ADAMTS20: variants seen among roughly 807,000 people sequenced by gnomAD.
ADAMTS20 encodes A disintegrin and metalloproteinase with thrombospondin motifs 20.
Under a neutral mutation model 260.1 loss-of-function variants are expected in ADAMTS20, and 225 were observed. That is an observed-to-expected ratio of 0.87 (90% CI 0.78 to 0.97). ADAMTS20 has a LOEUF of 0.97. Ranked by LOEUF, ADAMTS20 falls within the 50% of genes least tolerant of loss-of-function variation. The probability of loss-of-function intolerance (pLI) is 0.00; values close to 1 mark genes in which losing one functional copy is unlikely to be tolerated. For synonymous variants in ADAMTS20, 802 were observed against 769.5 expected (o/e 1.04, Z -0.70); for missense variants, 2,400 against 2,337.7 (o/e 1.03, Z -0.55).
Position 43,356,606 on chromosome 12 carries a change from C to A in ADAMTS20, c.5539-18G>T. ...AACTGTCCCTGGATTGTAAATAAAA[C>A]AAAGAAAAATAGATGGAATTTACAA... On this transcript the variant is annotated intron_variant, in intron 37 of 38. Coordinates refer to ENST00000389420, the MANE Select transcript of ADAMTS20 (RefSeq NM_025003.5). The A allele has an allele frequency of 1.3e-6, 2 of 1,556,002 alleles. No homozygotes were observed. Among genetic ancestry groups the A allele is most frequent in the South Asian group, 1.2e-5 (1 of 85,596 alleles).
intron 28 of ADAMTS20, among the ~76,000 whole-genome samples, chr12:43,403,577 C>T (rs1940854695): frequency 6.6e-6 from 1 of 151,758 alleles, no homozygotes; most frequent in African/African-American, 2.4e-5. Context: ...AGCTGGGTAA[C>T]TATAAAATAC....
rs143824237 is a variant in ADAMTS20, at chr12:43,453,938, C to T, written c.1729G>A (p.Glu577Lys). The change falls in exon 12 of 39, where the codon GAA becomes AAA. Residue 577 changes from glutamate to lysine, a missense_variant. By Grantham distance (56) the Glu-to-Lys change is moderately conservative (BLOSUM62 1). Transcript: ENST00000389420. ...CGATTACAGCGCCTGGTTGCACTTT[C>T]GATTCCGCCTCCACATGTTCTTGAA... The part of the protein sequence containing the change: ...SCSRTCGGGI[E>K]SATRRCNRPE... 8.7e-6 allele frequency: 14 copies of T among 1,609,998 alleles called. 1 individual carries two copies. Among genetic ancestry groups the T allele is most frequent in the South Asian group, 5.5e-5 (5 of 90,442 alleles).
chr12:43,435,735 A>C (rs186516298), intron 18 of ADAMTS20, among the ~76,000 whole-genome samples: 307 of 151,842 alleles, frequency 2.0e-3, no homozygotes, highest in African/African-American at 7.0e-3. Flanking sequence ...AAGTTGGAGT[A>C]GACCCATAGC....
rs1339187112 is a variant in ADAMTS20 at position 43,443,872 on chromosome 12, C to T, written c.2209G>A (p.Val737Ile). 6.2e-7 allele frequency: 1 copy of T among 1,612,868 alleles called. No individual in the cohort carries two copies. The highest frequency in any genetic ancestry group is 1.1e-5 in the South Asian group (1 of 90,978). ...GTTGCTCCTGCGGGAATCTTTACAA[C>T]AACATTATAACCTGCAATATAATTT... is the stretch of plus-strand genomic sequence containing the variant. The part of the protein sequence containing the change: ...FNSSHYGYNV[V>I]VKIPAGATNV... Residue 737 changes from valine (V) to isoleucine (I), a missense_variant, in exon 16 of 39, where the codon GTT becomes ATT. Coordinates refer to ENST00000389420, the MANE Select transcript of ADAMTS20 (RefSeq NM_025003.5).
At chr12:43,503,234 T>C (rs1942793389) in intron 3 of ADAMTS20, among the ~76,000 whole-genome samples, 1 of 152,146 alleles carries the variant, frequency 6.6e-6, no homozygotes, top group Non-Finnish European at 1.5e-5. Context: ...TCTTCCTTTT[T>C]TCTTGGCTAA....
At chr12:43,477,617 A>G (rs1942378701) in intron 7 of ADAMTS20, among the ~76,000 whole-genome samples, 1 of 152,172 alleles carries the variant, frequency 6.6e-6, no homozygotes, top group Non-Finnish European at 1.5e-5. Context: ...GTGATTTAGC[A>G]CACATATGCA....
chr12:43,541,573 T>C (rs572866564), intron 2 of ADAMTS20, among the ~76,000 whole-genome samples: 2 of 152,310 alleles, frequency 1.3e-5, no homozygotes, highest in East Asian at 3.9e-4. Flanking sequence ...GATTAATTTT[T>C]ATTTGGGGAT....
At chr12:43,545,089 T>C (rs1339095943) in intron 2 of ADAMTS20, among the ~76,000 whole-genome samples, 1 of 152,174 alleles carries the variant, frequency 6.6e-6, no homozygotes, top group Non-Finnish European at 1.5e-5. Flanking sequence ...TGATCTGCAG[T>C]AGCATACGGT....
intron 29 of ADAMTS20, among the ~76,000 whole-genome samples, chr12:43,390,441 T>G (rs1270590534): frequency 6.6e-6 from 1 of 152,234 alleles, no homozygotes; most frequent in Non-Finnish European, 1.5e-5. Context: ...TCTGCTTTCT[T>G]TTTTATTAAC....
At chr12:43,503,127 A>G (rs1157206923) in intron 3 of ADAMTS20, among the ~76,000 whole-genome samples, 1 of 105,884 alleles carries the variant, frequency 9.4e-6, no homozygotes, top group Non-Finnish European at 1.8e-5. Context: ...TTTAAATCTT[A>G]ATTAATTGCC....
chr12:43,418,421 T>C (rs1443462902), intron 28 of ADAMTS20, among the ~76,000 whole-genome samples: 1 of 152,158 alleles, frequency 6.6e-6, no homozygotes, highest in Non-Finnish European at 1.5e-5. Context: ...GCGATTCTCC[T>C]GCCTCAGCCT....
rs558011240 is a variant in ADAMTS20, at chr12:43,452,833, T to A, written c.1761-138A>T. On this transcript the variant is annotated intron_variant, in intron 12 of 38. Transcript: ENST00000389420. Reference sequence around the variant, plus strand: ...CACTTTTTAACAGAAGTATGTAACATGAGTTTTACGCAATTCTATGCATAA... The same window carrying A: ...CACTTTTTAACAGAAGTATGTAACAAGAGTTTTACGCAATTCTATGCATAA... 2.0e-4 allele frequency: 155 copies of A among 763,126 alleles called. 3 individuals are homozygous for A. In the South Asian group the frequency reaches 2.7e-3, roughly 13 times the overall value. 47.3% of individuals were successfully genotyped at this position (763,126 alleles called of 1,614,324 possible). A position where few individuals can be genotyped will look rare whatever the true frequency, so the allele number is the denominator to read the frequency against.
rs1180731364 is a variant in ADAMTS20 at position 43,399,208 on chromosome 12, C to T, written c.4310G>A (p.Arg1437Lys). 2.6e-6 allele frequency: 4 copies of T among 1,545,960 alleles called. No homozygotes were observed. Among genetic ancestry groups the T allele is most frequent in the Non-Finnish European group, 3.5e-6 (4 of 1,148,100 alleles). ...AATGCAAAACACTTCACGGTACTTT[C>T]TACCTTTACCACAAGAAGCTGAGCA... is the stretch of plus-strand genomic sequence containing the variant. ...TSCSASCGKG[R>K]KYREVFCIDQ... The change falls in exon 29 of 39, where the codon AGA (arginine) becomes AAA (lysine). Residue 1437 changes from arginine to lysine, a missense_variant. By Grantham distance (26) the Arg-to-Lys change is conservative (BLOSUM62 2). Coordinates refer to ENST00000389420, the MANE Select transcript of ADAMTS20 (RefSeq NM_025003.5).
intron 3 of ADAMTS20, among the ~76,000 whole-genome samples, chr12:43,506,624 C>T (rs1273192441): frequency 1.3e-5 from 2 of 151,934 alleles, no homozygotes; most frequent in Non-Finnish European, 2.9e-5. Context: ...GGATAACAGG[C>T]GTGCGCCACC....
At chr12:43,382,678 C>T (rs1431611043) in intron 31 of ADAMTS20, among the ~76,000 whole-genome samples, 2 of 150,366 alleles carry the variant, frequency 1.3e-5, no homozygotes, top group Non-Finnish European at 3.0e-5. Flanking sequence ...TAAAAAAATT[C>T]AAGAAAAAAA....
chr12:43,450,225 A>T (rs989325335), intron 14 of ADAMTS20, among the ~76,000 whole-genome samples: 1 of 152,172 alleles, frequency 6.6e-6, no homozygotes, highest in African/African-American at 2.4e-5. Flanking sequence ...CTTGTTCCAG[A>T]AATTTCAAAA....
Position 43,440,057 on chromosome 12 carries a change from G to C in ADAMTS20, c.2303C>G (p.Ala768Gly), listed in dbSNP as rs1941633200. The C allele has an allele frequency of 1.3e-6, 2 of 1,554,398 alleles. No homozygotes were observed. The highest frequency in any genetic ancestry group is 3.9e-5 in the Admixed American group (2 of 51,378). Residue 768 changes from alanine to glycine, a missense_variant, in exon 17 of 39, where the codon GCT (alanine) becomes GGT (glycine). Transcript: ENST00000389420. ...PDDSYLALSD[A>G]EGNFLFNGNF... ...TCCATTGAAAAGAAAATTCCCTTCA[G>C]CGTCAGATAATGCTGTAAAAGAATA...
At chr12:43,478,923 C>T (rs1942400057) in intron 7 of ADAMTS20, among the ~76,000 whole-genome samples, 1 of 152,164 alleles carries the variant, frequency 6.6e-6, no homozygotes. Flanking sequence ...GCACCTCATA[C>T]TTGCAACTGG....
rs79075751 is a variant in ADAMTS20, at chr12:43,501,055, C to CTTTTTTTTTTTTT, written c.867+1084_867+1096dup. On this transcript the variant is annotated intron_variant, in intron 4 of 38. Coordinates refer to ENST00000389420, the MANE Select transcript of ADAMTS20 (RefSeq NM_025003.5). ...TCTATAAATAGGTGGCTATGTAATT[C>CTTTTTTTTTTTTT]TTTTTTTTTTTTTTTTTTTTGAGTC... Among the ~76,000 whole-genome samples the CTTTTTTTTTTTTT allele has an allele frequency of 1.1e-4, 12 of 104,874 alleles. 2 individuals carry two copies. The highest frequency in any genetic ancestry group is 1.7e-4 in the African/African-American group (5 of 28,614). The allele number at this position is 104,874 out of a possible 152,430, so 68.8% of individuals were successfully genotyped here. A position where few individuals can be genotyped will look rare whatever the true frequency, so the allele number is the denominator to read the frequency against.
Sources: allele counts gnomAD v4.1 joint callset (sites outside exome capture counted in the v4.1 genomes callset), GRCh38; gene constraint gnomAD v4.1.1; transcripts MANE v1.5; gene names NCBI Gene and HGNC (gene_info 2026-07-23, HGNC 2026-07-21).